PDPK1: variants seen among roughly 807,000 people sequenced by gnomAD.
PDPK1 encodes 3-phosphoinositide-dependent protein kinase 1.
In PDPK1, 7 loss-of-function variants were observed where a neutral mutation model predicts 39.8. That is an observed-to-expected ratio of 0.18 (90% CI 0.10 to 0.33). The LOEUF is 0.33. PDPK1 is among the 10% of genes least tolerant of loss of function. The pLI, the probability that PDPK1 is intolerant of heterozygous loss-of-function variation, is 1.00. For synonymous variants in PDPK1, 118 were observed against 159.1 expected, an observed-to-expected ratio of 0.74 and a Z score of 1.95; for missense variants, 182 against 384.7, an observed-to-expected ratio of 0.47 and a Z score of 4.41.
At position 2,600,759 on chromosome 16, in the gene PDPK1, G is replaced by A. The variant is rs2067200915; in HGVS notation, c.*2992G>A. On this transcript the variant is annotated 3_prime_UTR_variant, in exon 14 of 14. Transcript: ENST00000342085. ...CCAGCACAGGGCTCTGGGTGACTCAGTAAAACTAACGTTTGTCTCTGACAA... is the reference window on the plus strand; with the variant it reads ...CCAGCACAGGGCTCTGGGTGACTCAATAAAACTAACGTTTGTCTCTGACAA... The A allele has an allele frequency of 1.2e-5, 2 of 172,318 alleles. No homozygotes were observed. Among genetic ancestry groups the A allele is most frequent in the Admixed American group, 9.3e-5 (1 of 10,792 alleles). The allele number at this position is 172,318 out of a possible 1,614,324, so 10.7% of individuals were successfully genotyped here. A position where few individuals can be genotyped will look rare whatever the true frequency, so the allele number is the denominator to read the frequency against.
intron 11 of PDPK1, among the ~76,000 whole-genome samples, chr16:2,591,836 G>T (rs2066995710): frequency 2.0e-5 from 3 of 152,234 alleles, no homozygotes; most frequent in African/African-American, 7.2e-5. Flanking sequence ...TGGGTTTATT[G>T]TATTTTAATG....
At position 2,602,803 on chromosome 16, in the gene PDPK1, A is replaced by C. The variant is rs2067244718; in HGVS notation, c.*5036A>C. 1 of 234,234 alleles carries C rather than the reference A, an allele frequency of 4.3e-6. No individual in the cohort carries two copies. Among genetic ancestry groups the C allele is most frequent in the African/African-American group, 2.2e-5 (1 of 45,336 alleles). 14.5% of individuals were successfully genotyped at this position (234,234 alleles called of 1,614,324 possible). ...AAAAATTAAAAGAACTTATGAAAAC[A>C]AATGCAATGATACTAGGATATACAC... is the stretch of plus-strand genomic sequence containing the variant. On this transcript the variant is annotated 3_prime_UTR_variant, in exon 14 of 14. Coordinates refer to ENST00000342085, the MANE Select transcript of PDPK1 (RefSeq NM_002613.5).
At chr16:2,587,330 G>A (rs559631159) in intron 11 of PDPK1, among the ~76,000 whole-genome samples, 1 of 152,152 alleles carries the variant, frequency 6.6e-6, no homozygotes, top group Non-Finnish European at 1.5e-5. Context: ...TCTGTCGCGG[G>A]GGCGCCAGGA....
chr16:2,589,128 G>A (rs1443810104), intron 11 of PDPK1, among the ~76,000 whole-genome samples: 1 of 152,026 alleles, frequency 6.6e-6, no homozygotes, highest in African/African-American at 2.4e-5. Flanking sequence ...GCTAATTTTT[G>A]TATTTTTAGT....
At chr16:2,592,351 C>T (rs2067006573) in intron 11 of PDPK1, among the ~76,000 whole-genome samples, 1 of 152,110 alleles carries the variant, frequency 6.6e-6, no homozygotes, top group Non-Finnish European at 1.5e-5. Flanking sequence ...TCGGGAAAGT[C>T]CCGTGTGCAT....
At position 2,602,188 on chromosome 16, in the gene PDPK1, C is replaced by T. The variant is rs1055208513; in HGVS notation, c.*4421C>T. 1 of 234,268 alleles carries T rather than the reference C, an allele frequency of 4.3e-6. No homozygotes were observed. Among genetic ancestry groups the T allele is most frequent in the South Asian group, 1.8e-4 (1 of 5,536 alleles). The allele number at this position is 234,268 out of a possible 1,614,324, so 14.5% of individuals were successfully genotyped here. On this transcript the variant is annotated 3_prime_UTR_variant, in exon 14 of 14. Coordinates refer to ENST00000342085, the MANE Select transcript of PDPK1 (RefSeq NM_002613.5). ...AGTTATTTTCAAACTTGACATGAGC[C>T]TATGTTGACTCACTGGGTGGGGGTC...
At chr16:2,545,004 T>A (rs1324698309) in intron 1 of PDPK1, among the ~76,000 whole-genome samples, 1 of 151,546 alleles carries the variant, frequency 6.6e-6, no homozygotes, top group Non-Finnish European at 1.5e-5. Context: ...GTACAACCTC[T>A]TCATCATCAC....
At chr16:2,594,547 C>T (rs1279065332) in intron 11 of PDPK1, 1 of 152,470 alleles carries the variant, frequency 6.6e-6, no homozygotes, top group Non-Finnish European at 1.5e-5. Flanking sequence ...GAGACTCTGT[C>T]TCAAAAAAAC....
intron 12 of PDPK1, among the ~76,000 whole-genome samples, chr16:2,596,889 G>C (rs1353929756): frequency 6.6e-6 from 1 of 152,068 alleles, no homozygotes; most frequent in African/African-American, 2.4e-5. Flanking sequence ...CCATGGGCCC[G>C]ATCTGGATGG....
In PDPK1 at chr16:2,586,804, T is replaced by C. The variant is rs774850892; in HGVS notation, c.1254T>C (p.Asp418=). The C allele has an allele frequency of 3.7e-6, 6 of 1,614,232 alleles. 1 individual carries two copies. In the South Asian group the frequency reaches 4.4e-5, roughly 12 times the overall value. ...GCAACATAGAGCAGTACATTCACGA[T>C]CTGGACTCGAACTCCTTTGAACTGG... ...SGSNIEQYIH[D]LDSNSFELDL... Residue 418 remains aspartate, a synonymous_variant, in exon 11 of 14, where the codon GAT becomes GAC. Coordinates refer to ENST00000342085, the MANE Select transcript of PDPK1 (RefSeq NM_002613.5).
rs775814028 is a variant in PDPK1 at position 2,597,193 on chromosome 16, A to G, written c.1472A>G (p.Asn491Ser). 5.0e-6 allele frequency: 8 copies of G among 1,594,594 alleles called. No homozygotes were observed. Among genetic ancestry groups the G allele is most frequent in the Non-Finnish European group, 6.9e-6 (8 of 1,164,014 alleles). Residue 491 changes from asparagine to serine, a missense_variant, in exon 13 of 14, where the codon AAC (asparagine) becomes AGC (serine). Asn to Ser is a conservative substitution (Grantham distance 46, BLOSUM62 1). This residue lies in a region of PDPK1 where 67 missense variants were observed against 87.8 expected (regional missense o/e 0.76). Coordinates refer to ENST00000342085, the MANE Select transcript of PDPK1 (RefSeq NM_002613.5). This position sits in a 1 kb window ranked among gnomAD's most constrained non-coding sequence, Gnocchi z 6.3. ...GPHLYYVDPV[N>S]KVLKGEIPWS... ...CATTTATATTATGTGGATCCTGTCA[A>G]CAAAGTTCTGAAAGGTGAAATTCCT...
At position 2,601,891 on chromosome 16, in the gene PDPK1, T is replaced by G. The variant is rs1171782607; in HGVS notation, c.*4124T>G. The G allele has an allele frequency of 4.3e-6, 1 of 231,394 alleles. No individual in the cohort carries two copies. The highest frequency in any genetic ancestry group is 8.6e-6 in the Non-Finnish European group (1 of 116,168). The allele number at this position is 231,394 out of a possible 1,614,324, so 14.3% of individuals were successfully genotyped here. A position where few individuals can be genotyped will look rare whatever the true frequency, so the allele number is the denominator to read the frequency against. Reference sequence around the variant, plus strand: ...CACCCAAATTTGGTTGGATTCTTCATTTCTCCACTGTAGTTGGGGTCCATT... The same window carrying G: ...CACCCAAATTTGGTTGGATTCTTCAGTTCTCCACTGTAGTTGGGGTCCATT... On this transcript the variant is annotated 3_prime_UTR_variant, in exon 14 of 14. Coordinates refer to ENST00000342085, the MANE Select transcript of PDPK1 (RefSeq NM_002613.5).
intron 11 of PDPK1, among the ~76,000 whole-genome samples, chr16:2,595,017 G>A (rs760162437): frequency 6.6e-5 from 10 of 152,302 alleles, no homozygotes; most frequent in Non-Finnish European, 1.5e-4. Flanking sequence ...CAGCTATTCG[G>A]GAGGCTGAGG....
At chr16:2,538,182 C>T (rs909168130) in intron 1 of PDPK1, 46 bp downstream of exon 1, 1 of 1,017,936 alleles carries the variant, frequency 9.8e-7, no homozygotes, top group Non-Finnish European at 1.2e-6. Flanking sequence ...GTTACCCTGC[C>T]GGGTCCGGCG....
intron 11 of PDPK1, among the ~76,000 whole-genome samples, chr16:2,595,232 G>A (rs757213827): frequency 2.5e-4 from 38 of 152,220 alleles, no homozygotes; most frequent in Admixed American, 5.2e-4. Flanking sequence ...AATTTCTGCC[G>A]TCTCTGAATA....
In PDPK1 at chr16:2,593,021, G is replaced by A. The variant is rs754014337; in HGVS notation, c.1344-2772G>A. On this transcript the variant is annotated intron_variant, in intron 11 of 13. Coordinates refer to ENST00000342085, the MANE Select transcript of PDPK1 (RefSeq NM_002613.5). This position sits in a 1 kb window ranked among gnomAD's most constrained non-coding sequence, Gnocchi z 4.2. ...AGTGCCTCTGGGCTCCTTGCCTGTG[G>A]CCTTTTTTTTTCTCAGGATGGATTT... 33 of 456,646 alleles carry A rather than the reference G, an allele frequency of 7.2e-5. No homozygotes were observed. Among genetic ancestry groups the A allele is most frequent in the East Asian group, 4.2e-4 (6 of 14,386 alleles). 28.3% of individuals were successfully genotyped at this position (456,646 alleles called of 1,614,324 possible).
At position 2,598,789 on chromosome 16, in the gene PDPK1, G is replaced by A. The variant is rs2142013595; in HGVS notation, c.*1022G>A. 4.3e-6 allele frequency: 1 copy of A among 233,354 alleles called. No individual in the cohort carries two copies. Among genetic ancestry groups the A allele is most frequent in the Admixed American group, 5.6e-5 (1 of 17,806 alleles). The allele number at this position is 233,354 out of a possible 1,614,324, so 14.5% of individuals were successfully genotyped here. ...ACCCTGGCATCAGCAGACCCAGGGT[G>A]CTTCTGTCTCCTGCAGACCACGCCA... On this transcript the variant is annotated 3_prime_UTR_variant, in exon 14 of 14. Coordinates refer to ENST00000342085, the MANE Select transcript of PDPK1 (RefSeq NM_002613.5).
intron 1 of PDPK1, chr16:2,538,988 C>A (rs999836367): frequency 7.1e-6 from 2 of 282,702 alleles, no homozygotes; most frequent in African/African-American, 4.5e-5. Flanking sequence ...AGAACGTCTA[C>A]ATGGCTTTAA....
chr16:2,585,250 C>G (rs2066843458), intron 10 of PDPK1, among the ~76,000 whole-genome samples: 3 of 152,190 alleles, frequency 2.0e-5, no homozygotes, highest in South Asian at 4.1e-4. Flanking sequence ...AAGCCAGGCT[C>G]CATTTGTTGG....
Sources: allele counts gnomAD v4.1 joint callset (sites outside exome capture counted in the v4.1 genomes callset), GRCh38; gene constraint gnomAD v4.1.1; regional missense constraint gnomAD v4.1.1; non-coding constraint Gnocchi (gnomAD v3.1); transcripts MANE v1.5; gene names NCBI Gene and HGNC (gene_info 2026-07-23, HGNC 2026-07-21).